Variants in IGFL2 observed in about 807,000 individuals in gnomAD.
IGFL2 encodes the protein insulin growth factor-like family member 2.
A neutral mutation model predicts 13.9 loss-of-function variants in IGFL2; 7 were observed. That is an observed-to-expected ratio of 0.51 (90% CI 0.29 to 0.95). IGFL2 has a LOEUF of 0.95. Ranked by LOEUF, IGFL2 falls within the 40% of genes least tolerant of loss-of-function variation. IGFL2 has a pLI of 0.08. For synonymous variants in IGFL2, 55 were observed against 55.8 expected, an observed-to-expected ratio of 0.99 and a Z score of 0.07; for missense variants, 138 against 147.8, an observed-to-expected ratio of 0.93 and a Z score of 0.34.
chr19:46,108,262 T>C, the IGFL2 span, among the ~76,000 whole-genome samples: 1 of 151,986 alleles, frequency 6.6e-6, no homozygotes. Context: ...ATGGGTCGCA[T>C]TGTGAGCAGA....
At chr19:46,135,397 A>G in the IGFL2 span, among the ~76,000 whole-genome samples, 3 of 152,092 alleles carry the variant, frequency 2.0e-5, no homozygotes, top group African/African-American at 7.2e-5. Context: ...TCCATTAACT[A>G]CAGGGTTTAA....
chr19:46,090,288 C>T, the IGFL2 span, among the ~76,000 whole-genome samples: 1 of 152,102 alleles, frequency 6.6e-6, no homozygotes, highest in Non-Finnish European at 1.5e-5. Flanking sequence ...TCTGTATTTT[C>T]TTTAAGTTTG....
At chr19:46,213,459 A>G in the IGFL2 span, 59,448 of 153,838 alleles carry the variant, frequency 0.39, 12,699 homozygotes, top group Middle Eastern at 0.5. Flanking sequence ...CCCCAGAGCA[A>G]TGGCTCCCCG....
chr19:46,168,916 A>ATGTGTGTG, the IGFL2 span, among the ~76,000 whole-genome samples: 13 of 145,702 alleles, frequency 8.9e-5, no homozygotes, highest in Admixed American at 1.4e-4. Context: ...GTGTGTGTGT[A>ATGTGTGTG]TGTGTGTGTG....
chr19:46,081,039 G>A, the IGFL2 span, among the ~76,000 whole-genome samples: 223 of 152,280 alleles, frequency 1.5e-3, no homozygotes, highest in African/African-American at 5.2e-3. Flanking sequence ...CCCACAATTG[G>A]CCAGTTATCT....
chr19:46,171,392 A>C, the IGFL2 span, among the ~76,000 whole-genome samples: 1 of 152,138 alleles, frequency 6.6e-6, no homozygotes. Flanking sequence ...CAGAGAGAAG[A>C]AGCTATTGGG....
chr19:46,161,007 CA>C, intron 3 of IGFL2, 62 bp from the exon 4 acceptor site: 5 of 1,553,826 alleles, frequency 3.2e-6, no homozygotes, highest in Non-Finnish European at 4.4e-6. Context: ...AGCAGTTTCT[CA>C]AATATTTTCA....
chr19:46,173,088 G>GA, the IGFL2 span, among the ~76,000 whole-genome samples: 6 of 152,220 alleles, frequency 3.9e-5, no homozygotes, highest in East Asian at 1.2e-3. Flanking sequence ...GTTGTAAAAT[G>GA]AATAGTTGCA....
At chr19:46,114,309 A>G in the IGFL2 span, among the ~76,000 whole-genome samples, 6 of 152,144 alleles carry the variant, frequency 3.9e-5, no homozygotes, top group Non-Finnish European at 4.4e-5. Context: ...GGAACATGCG[A>G]AAAAAAGGGT....
At chr19:46,082,822 A>G in the IGFL2 span, among the ~76,000 whole-genome samples, 1 of 152,160 alleles carries the variant, frequency 6.6e-6, no homozygotes, top group Non-Finnish European at 1.5e-5. Context: ...AGTTAGTCAT[A>G]TGGGTAGCTC....
At chr19:46,120,094 A>G in the IGFL2 span, 1 of 554,060 alleles carries the variant, frequency 1.8e-6, no homozygotes. Flanking sequence ...GGGGGATTTT[A>G]TTGCCGATGA....
chr19:46,103,620 G>A, the IGFL2 span, among the ~76,000 whole-genome samples: 5 of 152,144 alleles, frequency 3.3e-5, no homozygotes, highest in East Asian at 5.8e-4. Context: ...GTAAACAGGG[G>A]CACGACACTT....
chr19:46,151,483 C>T (rs530507098), intron 1 of IGFL2, among the ~76,000 whole-genome samples: 2 of 152,314 alleles, frequency 1.3e-5, no homozygotes, highest in African/African-American at 4.8e-5. Flanking sequence ...AGCTCCTACA[C>T]TGTCACTATA....
At chr19:46,130,900 G>T in the IGFL2 span, among the ~76,000 whole-genome samples, 1 of 152,184 alleles carries the variant, frequency 6.6e-6, no homozygotes, top group African/African-American at 2.4e-5. Flanking sequence ...AATGCTGGTG[G>T]AGTCTTCTTT....
At chr19:46,182,240 G>T in the IGFL2 span, among the ~76,000 whole-genome samples, 1 of 151,944 alleles carries the variant, frequency 6.6e-6, no homozygotes, top group Non-Finnish European at 1.5e-5. Context: ...GGTGGTGCAT[G>T]CCTGTAGTCC....
the IGFL2 span, chr19:46,113,875 C>G: frequency 1.9e-5 from 3 of 153,942 alleles, no homozygotes; most frequent in Non-Finnish European, 4.4e-5. Context: ...AAGTTCTGCT[C>G]TGTGTTACAA....
chr19:46,089,887 T>A, the IGFL2 span, among the ~76,000 whole-genome samples: 1 of 152,148 alleles, frequency 6.6e-6, no homozygotes, highest in East Asian at 1.9e-4. Context: ...CCTGGATATT[T>A]ACATCTTTCT....
At chr19:46,170,381 T>A in the IGFL2 span, among the ~76,000 whole-genome samples, 2 of 152,340 alleles carry the variant, frequency 1.3e-5, no homozygotes, top group Middle Eastern at 3.4e-3. Flanking sequence ...AATCTCTTAA[T>A]CCCATCATCT....
the IGFL2 span, among the ~76,000 whole-genome samples, chr19:46,188,840 G>A: frequency 1.3e-5 from 2 of 152,146 alleles, no homozygotes; most frequent in African/African-American, 2.4e-5. Flanking sequence ...TTAGCAACTC[G>A]GACAGAGCCC....
Sources: allele counts gnomAD v4.1 joint callset (sites outside exome capture counted in the v4.1 genomes callset), GRCh38; gene constraint gnomAD v4.1.1; transcripts MANE v1.5; gene names NCBI Gene and HGNC (gene_info 2026-07-23, HGNC 2026-07-21).